The following MEIG1 variants were observed in gnomAD, a reference collection of about 807,000 sequenced individuals.
The protein encoded by MEIG1 is meiosis/spermiogenesis associated 1.
MEIG1 carries 12 observed loss-of-function variants against 11.3 expected under a neutral mutation model. The ratio of observed to expected loss-of-function variants is 1.07; its 90% CI spans 0.68 to 1.73. MEIG1 has a LOEUF of 1.73. MEIG1 is among the 40% of genes most tolerant of loss of function. The pLI is 0.00. For missense variants in MEIG1, 119 were observed against 104.9 expected (o/e 1.13, Z -0.59); for synonymous variants, 41 against 33.2 (o/e 1.24, Z -0.81).
chr10:14,964,891 G>A (rs1843062065), intron 1 of MEIG1, among the ~76,000 whole-genome samples: 2 of 151,674 alleles, frequency 1.3e-5, no homozygotes, highest in South Asian at 2.1e-4. Context: ...AGGTTCAAGT[G>A]ATTGTCATGC....
upstream of MEIG1, among the ~76,000 whole-genome samples, chr10:14,955,324 T>C (rs913650617): frequency 1.3e-5 from 2 of 152,156 alleles, no homozygotes; most frequent in African/African-American, 4.8e-5. Flanking sequence ...TTGCAGAATA[T>C]GGCAAATAAA....
At chr10:14,962,145 C>G (rs370899042) in intron 1 of MEIG1, among the ~76,000 whole-genome samples, 12 of 152,132 alleles carry the variant, frequency 7.9e-5, no homozygotes, top group African/African-American at 2.9e-4. Context: ...GCACAACTGC[C>G]AGCAAAGAAA....
intron 1 of MEIG1, among the ~76,000 whole-genome samples, chr10:14,986,193 CG>C (rs1201284289): frequency 2.0e-5 from 3 of 152,112 alleles, no homozygotes; most frequent in African/African-American, 7.2e-5. Flanking sequence ...GGCGTGCTGG[CG>C]CATGCCTGTA....
exon 3 of MEIG1, chr10:14,987,911 C>T (rs1390876142): frequency 1.3e-5 from 2 of 153,550 alleles, no homozygotes; most frequent in Non-Finnish European, 2.9e-5. Flanking sequence ...AGAGCTACGA[C>T]CCCATTATCT....
chr10:14,967,857 A>G (rs1037557606), intron 2 of MEIG1, among the ~76,000 whole-genome samples: 5 of 152,132 alleles, frequency 3.3e-5, no homozygotes, highest in Admixed American at 6.5e-5. Context: ...TTTGATATTT[A>G]TAGTCTGTGT....
downstream of MEIG1, among the ~76,000 whole-genome samples, chr10:14,974,187 T>A (rs190789936): frequency 5.7e-3 from 871 of 152,270 alleles, 5 homozygotes; most frequent in African/African-American, 0.02. Context: ...TGGGGGTTGG[T>A]TCCTGGTAAC....
upstream of MEIG1, among the ~76,000 whole-genome samples, chr10:14,954,993 G>A (rs984974144): frequency 3.3e-5 from 5 of 152,136 alleles, no homozygotes; most frequent in South Asian, 1.0e-3. Context: ...GTGCAGTGGC[G>A]TGATTTCGGC....
At chr10:14,959,854 G>T (rs866060963) in intron 1 of MEIG1, among the ~76,000 whole-genome samples, 3 of 152,244 alleles carry the variant, frequency 2.0e-5, no homozygotes, top group Admixed American at 6.5e-5. Flanking sequence ...TTGGGCCCTA[G>T]ATTTTGGAAT....
chr10:14,987,172 C>T (rs1291855933), intron 2 of MEIG1: 24 of 933,392 alleles, frequency 2.6e-5, no homozygotes, highest in Non-Finnish European at 3.3e-5. Context: ...CTCTGCTATG[C>T]GACTGCATGT....
At chr10:14,963,315 G>A (rs570317417) in intron 1 of MEIG1, among the ~76,000 whole-genome samples, 189 of 151,260 alleles carry the variant, frequency 1.2e-3, no homozygotes, top group African/African-American at 3.3e-3. Context: ...GGCTAGTCTC[G>A]AACTCCCGAC....
At chr10:14,983,517 T>C (rs1459558117) in intron 1 of MEIG1, among the ~76,000 whole-genome samples, 1 of 152,090 alleles carries the variant, frequency 6.6e-6, no homozygotes, top group Non-Finnish European at 1.5e-5. Context: ...GAGGCTGATA[T>C]GACTCCCAAT....
At chr10:14,987,444 T>C (rs896918986) in intron 2 of MEIG1, 12 of 719,276 alleles carry the variant, frequency 1.7e-5, no homozygotes, top group Middle Eastern at 3.6e-4. Context: ...CGTGGCTCTG[T>C]GTGTCTTGGA....
downstream of MEIG1, among the ~76,000 whole-genome samples, chr10:14,977,160 G>A (rs924872170): frequency 5.9e-5 from 9 of 151,908 alleles, no homozygotes; most frequent in African/African-American, 2.2e-4. Flanking sequence ...GCCTGTGATA[G>A]TATTCATAAT....
chr10:14,982,955 A>G (rs906819922), intron 1 of MEIG1, among the ~76,000 whole-genome samples: 1 of 152,108 alleles, frequency 6.6e-6, no homozygotes, highest in African/African-American at 2.4e-5. Flanking sequence ...GTTAATGTTA[A>G]TCTGAGCACT....
chr10:14,982,515 G>T (rs1843275220), intron 1 of MEIG1, among the ~76,000 whole-genome samples: 1 of 152,114 alleles, frequency 6.6e-6, no homozygotes, highest in Non-Finnish European at 1.5e-5. Context: ...ATTAGGGCTT[G>T]TGGCTTTTCC....
chr10:14,982,314 C>T (rs1843273655), intron 1 of MEIG1, among the ~76,000 whole-genome samples: 1 of 152,074 alleles, frequency 6.6e-6, no homozygotes, highest in Non-Finnish European at 1.5e-5. Flanking sequence ...AACTGGTGGT[C>T]GGTTCGTGGT....
At chr10:14,971,745 T>G (rs1283682043) in intron 2 of MEIG1, among the ~76,000 whole-genome samples, 1 of 152,234 alleles carries the variant, frequency 6.6e-6, no homozygotes, top group Non-Finnish European at 1.5e-5. Flanking sequence ...GTTTAAAATC[T>G]TTTGTAAACA....
chr10:14,976,080 C>CGGG (rs756366094), downstream of MEIG1, among the ~76,000 whole-genome samples: 1 of 152,094 alleles, frequency 6.6e-6, no homozygotes, highest in African/African-American at 2.4e-5. Flanking sequence ...CCCCGCATCG[C>CGGG]GGGGGGCGTC....
rs777747868 is a variant in MEIG1 at position 14,972,657 on chromosome 10, T to C, written c.*16T>C. On this transcript the variant is annotated 3_prime_UTR_variant, in exon 3 of 3. Transcript: ENST00000407572. ...TGCTTACTAGCCTGTCTTCTTTGTATTACTTGTCAATTATATTTTAAGTAT... is the reference window on the plus strand; with the variant it reads ...TGCTTACTAGCCTGTCTTCTTTGTACTACTTGTCAATTATATTTTAAGTAT... 6.4e-7 allele frequency: 1 copy of C among 1,574,288 alleles called. No homozygotes were observed. The highest frequency in any genetic ancestry group is 1.4e-5 in the African/African-American group (1 of 72,874).
Sources: gnomAD v4.1 joint callset for allele counts (sites outside exome capture counted in the v4.1 genomes callset) on GRCh38, gnomAD v4.1.1 for gene constraint, MANE v1.5 for transcripts, NCBI Gene and HGNC (gene_info 2026-07-23, HGNC 2026-07-21) for gene names.